The following DNAH7 variants were observed in gnomAD, a reference collection of about 807,000 sequenced individuals.
The protein encoded by DNAH7 is dynein axonemal heavy chain 7.
A neutral mutation model predicts 444.6 loss-of-function variants in DNAH7; 397 were observed. The ratio of observed to expected loss-of-function variants is 0.89; its 90% CI spans 0.82 to 0.97. The LOEUF is 0.97. Ranked by LOEUF, DNAH7 falls within the 50% of genes least tolerant of loss-of-function variation. The pLI is 0.00. For missense variants in DNAH7, 4,902 were observed against 4,800.8 expected (o/e 1.02, Z -0.62); for synonymous variants, 1,636 against 1,624.4 (o/e 1.01, Z -0.17).
chr2:196,014,800 T>C (rs1343881660), intron 9 of DNAH7, among the ~76,000 whole-genome samples: 1 of 152,194 alleles, frequency 6.6e-6, no homozygotes, highest in Non-Finnish European at 1.5e-5. Context: ...GTCCTCCTTT[T>C]TTTGTAACTT....
At chr2:195,810,111 GA>G (rs917011927) in intron 51 of DNAH7, among the ~76,000 whole-genome samples, 9 of 151,406 alleles carry the variant, frequency 5.9e-5, no homozygotes, top group Non-Finnish European at 1.2e-4. Context: ...CTTCCTCTTG[GA>G]AAAAAGTTAG....
At chr2:195,806,107 AT>A (rs11357898) in intron 54 of DNAH7, among the ~76,000 whole-genome samples, 101,948 of 149,416 alleles carry the variant, frequency 0.68, 35,021 homozygotes, top group Non-Finnish European at 0.73. Flanking sequence ...GCTAATGTCT[AT>A]TTTTTTTTTT....
intron 19 of DNAH7, among the ~76,000 whole-genome samples, chr2:195,952,201 G>C (rs1690306592): frequency 6.6e-6 from 1 of 152,114 alleles, no homozygotes; most frequent in South Asian, 2.1e-4. Flanking sequence ...GCTTAGTTTG[G>C]CTGGATATAA....
intron 49 of DNAH7, among the ~76,000 whole-genome samples, chr2:195,820,995 A>C (rs1407700241): frequency 1.3e-5 from 2 of 152,224 alleles, no homozygotes; most frequent in Admixed American, 6.5e-5. Context: ...TGTTGTCTGC[A>C]TGCAGAATCA....
chr2:195,802,292 C>T (rs1696501430), intron 54 of DNAH7, among the ~76,000 whole-genome samples: 1 of 152,138 alleles, frequency 6.6e-6, no homozygotes, highest in Admixed American at 6.6e-5. Context: ...GGGTGGATCA[C>T]CTGAGGGCAG....
At chr2:196,036,647 C>A (rs1309363130) in intron 5 of DNAH7, among the ~76,000 whole-genome samples, 1 of 152,220 alleles carries the variant, frequency 6.6e-6, no homozygotes, top group African/African-American at 2.4e-5. Flanking sequence ...GCCCACCCCA[C>A]TGCAGATGCT....
At chr2:195,951,432 G>A (rs1341678872) in intron 19 of DNAH7, among the ~76,000 whole-genome samples, 5 of 152,160 alleles carry the variant, frequency 3.3e-5, no homozygotes, top group Non-Finnish European at 7.3e-5. Flanking sequence ...TTGGGGCAGA[G>A]CATTCTGCAG....
At chr2:195,785,693 C>A (rs190650787) in intron 58 of DNAH7, among the ~76,000 whole-genome samples, 1 of 151,306 alleles carries the variant, frequency 6.6e-6, no homozygotes, top group East Asian at 1.9e-4. Flanking sequence ...TCTTCTTCAG[C>A]CTTCTAATTC....
chr2:196,027,085 ATTAT>A (rs1328668197), intron 6 of DNAH7, 145 bp from the exon 7 acceptor site: 10 of 582,590 alleles, frequency 1.7e-5, no homozygotes, highest in Non-Finnish European at 2.9e-5. Context: ...TCACATAGGT[ATTAT>A]TTGAGATCTC....
intron 18 of DNAH7, among the ~76,000 whole-genome samples, chr2:195,958,919 C>T (rs1690884550): frequency 6.6e-6 from 1 of 152,132 alleles, no homozygotes. Flanking sequence ...GTTGTAATTA[C>T]TCTGCTATCA....
intron 46 of DNAH7, among the ~76,000 whole-genome samples, chr2:195,848,469 A>C (rs1699151090): frequency 6.6e-6 from 1 of 152,172 alleles, no homozygotes; most frequent in African/African-American, 2.4e-5. Flanking sequence ...AATTTTTATC[A>C]CTTGATTAAA....
intron 53 of DNAH7, among the ~76,000 whole-genome samples, chr2:195,807,458 G>A (rs1041146072): frequency 2.6e-5 from 4 of 151,946 alleles, no homozygotes; most frequent in South Asian, 2.1e-4. Context: ...GCTCCCAGCT[G>A]GAACAAAAAC....
At chr2:195,934,505 A>G in intron 21 of DNAH7, 86 bp downstream of exon 21, 2 of 1,390,888 alleles carry the variant, frequency 1.4e-6, no homozygotes, top group Non-Finnish European at 2.0e-6. Flanking sequence ...TTCTGTTTAA[A>G]TAACAGTACA....
At chr2:195,783,259 T>C (rs904186634) in intron 58 of DNAH7, among the ~76,000 whole-genome samples, 2 of 152,250 alleles carry the variant, frequency 1.3e-5, no homozygotes, top group Admixed American at 6.5e-5. Flanking sequence ...TAGACTCTTA[T>C]CGTTATCTGC....
chr2:195,890,357 A>G (rs550835038), intron 31 of DNAH7, among the ~76,000 whole-genome samples: 6 of 152,330 alleles, frequency 3.9e-5, no homozygotes, highest in Admixed American at 1.3e-4. Context: ...CTTGGGCTTC[A>G]CAGTCTCAAG....
At chr2:195,790,633 G>C (rs935153410) in intron 57 of DNAH7, among the ~76,000 whole-genome samples, 1 of 152,166 alleles carries the variant, frequency 6.6e-6, no homozygotes, top group Non-Finnish European at 1.5e-5. Flanking sequence ...TAGCTGGCTA[G>C]CCATATGCAG....
chr2:195,954,212 G>A (rs903895910), intron 19 of DNAH7, among the ~76,000 whole-genome samples: 4 of 152,066 alleles, frequency 2.6e-5, no homozygotes, highest in South Asian at 2.1e-4. Context: ...GGTATGTGAT[G>A]TTCCCCTTCC....
At chr2:195,854,971 C>T (rs1410140058) in intron 45 of DNAH7, among the ~76,000 whole-genome samples, 2 of 152,132 alleles carry the variant, frequency 1.3e-5, no homozygotes, top group African/African-American at 4.8e-5. Context: ...TAGAAAGAGG[C>T]AGTCTGGTGT....
chr2:195,808,702 T>C lies in DNAH7; in HGVS notation c.10063A>G (p.Lys3355Glu), dbSNP rs2124852408. Residue 3355 changes from lysine to glutamate, a missense_variant, in exon 53 of 65, where the codon AAG becomes GAG. Coordinates refer to ENST00000312428, the MANE Select transcript of DNAH7 (RefSeq NM_018897.3). Reference sequence around the variant, plus strand: ...CATACCAAACTATCATATACTTTCTTCCATCCATCCTTTAAGCGCATAAAC... The same window carrying C: ...CATACCAAACTATCATATACTTTCTCCCATCCATCCTTTAAGCGCATAAAC... ...REFMRLKDGW[K>E]KVYDSLEPHH... is the part of the protein sequence containing the mutation. The C allele has an allele frequency of 6.2e-7, 1 of 1,613,980 alleles. No homozygotes were observed. Among genetic ancestry groups the C allele is most frequent in the African/African-American group, 1.3e-5 (1 of 75,060 alleles).
Sources: allele counts gnomAD v4.1 joint callset (sites outside exome capture counted in the v4.1 genomes callset), GRCh38; gene constraint gnomAD v4.1.1; transcripts MANE v1.5; gene names NCBI Gene and HGNC (gene_info 2026-07-23, HGNC 2026-07-21).